The following DPP10 variants were observed in gnomAD, a reference collection of about 807,000 sequenced individuals.
DPP10 encodes the protein inactive dipeptidyl peptidase 10.
A neutral mutation model predicts 120.9 loss-of-function variants in DPP10; 33 were observed. The observed-to-expected ratio is 0.27, with a 90% CI of 0.21 to 0.37. The LOEUF (loss-of-function observed/expected upper bound fraction) is 0.37, where lower values mean the gene tolerates loss of function less well. DPP10 is among the 10% of genes least tolerant of loss of function. The probability of loss-of-function intolerance (pLI) is 1.00; values close to 1 mark genes in which losing one functional copy is unlikely to be tolerated. For synonymous variants in DPP10, 337 were observed against 326.1 expected, an observed-to-expected ratio of 1.03 and a Z score of -0.36; for missense variants, 816 against 942.8, an observed-to-expected ratio of 0.87 and a Z score of 1.76.
At chr2:114,932,002 T>C (rs1353021448) in intron 1 of DPP10, among the ~76,000 whole-genome samples, 2 of 152,226 alleles carry the variant, frequency 1.3e-5, no homozygotes, top group African/African-American at 2.4e-5. Flanking sequence ...TTAGAGTTCA[T>C]CAGGATAGGC....
chr2:114,617,813 C>T (rs1000213766), intron 1 of DPP10, among the ~76,000 whole-genome samples: 10 of 152,046 alleles, frequency 6.6e-5, no homozygotes, highest in Non-Finnish European at 1.3e-4. Context: ...CTATTTATTG[C>T]CCTCCTTTGT....
chr2:115,655,367 C>A (rs1341023606), intron 5 of DPP10, among the ~76,000 whole-genome samples: 1 of 151,550 alleles, frequency 6.6e-6, no homozygotes, highest in African/African-American at 2.4e-5. Flanking sequence ...CTCATGAATA[C>A]CTAGTGCACA....
intron 1 of DPP10, among the ~76,000 whole-genome samples, chr2:114,911,449 T>A (rs1383679866): frequency 1.3e-5 from 2 of 152,168 alleles, no homozygotes; most frequent in African/African-American, 4.8e-5. Flanking sequence ...TCCTCCCAGA[T>A]CATAGATGAA....
At chr2:114,594,895 C>T (rs1265922245) in intron 1 of DPP10, among the ~76,000 whole-genome samples, 1 of 152,040 alleles carries the variant, frequency 6.6e-6, no homozygotes, top group African/African-American at 2.4e-5. Flanking sequence ...CGGTCTTTCT[C>T]TCATGTTCCT....
chr2:115,238,946 C>G (rs892620144), intron 1 of DPP10, among the ~76,000 whole-genome samples: 1 of 152,128 alleles, frequency 6.6e-6, no homozygotes, highest in South Asian at 2.1e-4. Flanking sequence ...AGTCCCAAAG[C>G]TGAAGAACTT....
chr2:114,929,571 G>C (rs1350903094), intron 1 of DPP10, among the ~76,000 whole-genome samples: 2 of 152,194 alleles, frequency 1.3e-5, no homozygotes, highest in Non-Finnish European at 2.9e-5. Context: ...ATGTGACTCT[G>C]TTCTGCCTGG....
At chr2:114,869,889 G>A (rs1173014884) in intron 1 of DPP10, among the ~76,000 whole-genome samples, 1 of 152,140 alleles carries the variant, frequency 6.6e-6, no homozygotes, top group Non-Finnish European at 1.5e-5. Context: ...CTTACTGGCT[G>A]TATGGACTTG....
At chr2:115,314,026 G>A (rs1014525491) in intron 2 of DPP10, among the ~76,000 whole-genome samples, 3 of 152,162 alleles carry the variant, frequency 2.0e-5, no homozygotes, top group Admixed American at 1.3e-4. Context: ...AATCAGTCTA[G>A]TAAAGGTATG....
chr2:115,417,353 G>A (rs1410062843), intron 3 of DPP10, among the ~76,000 whole-genome samples: 1 of 152,084 alleles, frequency 6.6e-6, no homozygotes, highest in South Asian at 2.1e-4. Flanking sequence ...AAAGGATATT[G>A]TTACTGGAGG....
At chr2:114,978,744 T>C (rs1390865769) in intron 1 of DPP10, among the ~76,000 whole-genome samples, 1 of 152,180 alleles carries the variant, frequency 6.6e-6, no homozygotes, top group African/African-American at 2.4e-5. Flanking sequence ...AATATTTTAA[T>C]ATAGGTATAT....
intron 1 of DPP10, among the ~76,000 whole-genome samples, chr2:114,580,495 T>A (rs1304760615): frequency 4.6e-5 from 7 of 152,206 alleles, no homozygotes. Flanking sequence ...CACAGCACAC[T>A]GGCTTTGTGA....
chr2:115,175,392 T>C (rs2053620552), intron 1 of DPP10, among the ~76,000 whole-genome samples: 2 of 152,092 alleles, frequency 1.3e-5, no homozygotes. Context: ...GAAGGTCTTA[T>C]GAATTTAAGA....
rs192240592 is a variant in DPP10 at position 114,803,742 on chromosome 2, G to C, written c.60+360904G>C. Among the ~76,000 whole-genome samples, 86 of 152,154 alleles carry C rather than the reference G, an allele frequency of 5.7e-4. No individual in the cohort carries two copies. The East Asian group carries it at 0.015, about 27-fold the overall frequency. ...CAGCAAACCATTCAAGAGGTGACTT[G>C]GGTACTGTTAAAGGCATTCAGTTTA... On this transcript the variant is annotated intron_variant, in intron 1 of 25. Transcript: ENST00000410059.
chr2:114,586,564 A>C (rs1690998319), intron 1 of DPP10, among the ~76,000 whole-genome samples: 1 of 152,202 alleles, frequency 6.6e-6, no homozygotes, highest in Admixed American at 6.5e-5. Context: ...GTACTTGATA[A>C]ATAGTCACTA....
intron 1 of DPP10, among the ~76,000 whole-genome samples, chr2:115,095,485 T>C (rs1372411328): frequency 6.6e-6 from 1 of 152,116 alleles, no homozygotes; most frequent in African/African-American, 2.4e-5. Flanking sequence ...TGTAAGTGCA[T>C]TTAGCTCTGG....
Position 114,641,951 on chromosome 2 carries a change from T to A in DPP10, c.60+199113T>A, listed in dbSNP as rs971547805. On this transcript the variant is annotated intron_variant, in intron 1 of 25. Transcript: ENST00000410059. ...CAAAGCAGATACACTTTTTCACTTT[T>A]AAAAAAAATCACTCAATGCATCATT... Among the ~76,000 whole-genome samples the A allele has an allele frequency of 4.0e-5, 6 of 151,690 alleles. 1 individual carries two copies. Among genetic ancestry groups the A allele is most frequent in the African/African-American group, 7.3e-5 (3 of 41,090 alleles).
At chr2:115,573,269 T>C (rs1046666811) in intron 5 of DPP10, among the ~76,000 whole-genome samples, 1 of 147,604 alleles carries the variant, frequency 6.8e-6, no homozygotes, top group African/African-American at 2.5e-5. Flanking sequence ...AGCCCAGGCT[T>C]CCTGGGATTT....
rs537449024 is a variant in DPP10 at position 114,509,901 on chromosome 2, T to C, written c.60+67063T>C. On this transcript the variant is annotated intron_variant, in intron 1 of 25. Coordinates refer to ENST00000410059, the MANE Select transcript of DPP10 (RefSeq NM_020868.6). ...TCTTAAATGTTTGCCTGTTGGTTTG[T>C]TTTTACATTCATTTTGTGGAGGAAA... Among the ~76,000 whole-genome samples, 3 of 152,336 alleles carry C rather than the reference T, an allele frequency of 2.0e-5. No homozygotes were observed. The East Asian group carries it at 5.8e-4, about 29-fold the overall frequency.
At chr2:115,474,471 T>C (rs2074941124) in intron 3 of DPP10, among the ~76,000 whole-genome samples, 1 of 152,170 alleles carries the variant, frequency 6.6e-6, no homozygotes, top group Non-Finnish European at 1.5e-5. Context: ...AAATCACTTT[T>C]GTTATGCATT....
Sources: allele counts gnomAD v4.1 joint callset (sites outside exome capture counted in the v4.1 genomes callset), GRCh38; gene constraint gnomAD v4.1.1; transcripts MANE v1.5; gene names NCBI Gene and HGNC (gene_info 2026-07-23, HGNC 2026-07-21).